The following GLIPR2 variants were observed in gnomAD, a reference collection of about 807,000 sequenced individuals.
GLIPR2 encodes the protein GLI pathogenesis related 2.
In GLIPR2, 21 loss-of-function variants were observed where a neutral mutation model predicts 20.4. That is an observed-to-expected ratio of 1.03 (90% CI 0.73 to 1.48). The LOEUF (loss-of-function observed/expected upper bound fraction) is 1.48, where lower values mean the gene tolerates loss of function less well. GLIPR2 is among the 40% of genes most tolerant of loss of function. The pLI, the probability that GLIPR2 is intolerant of heterozygous loss-of-function variation, is 0.00. For missense variants in GLIPR2, 205 were observed against 200.1 expected (o/e 1.02, Z -0.15); for synonymous variants, 91 against 80.5 (o/e 1.13, Z -0.70).
chr9:36,153,762 G>A (rs1316237636), intron 4 of GLIPR2, among the ~76,000 whole-genome samples: 1 of 151,922 alleles, frequency 6.6e-6, no homozygotes, highest in African/African-American at 2.4e-5. Flanking sequence ...TTAGCCGGGT[G>A]TGGTGATGCG....
intron 4 of GLIPR2, among the ~76,000 whole-genome samples, chr9:36,151,990 G>A (rs547751448): frequency 1.3e-5 from 2 of 152,300 alleles, no homozygotes; most frequent in African/African-American, 4.8e-5. Context: ...CCTCTAGAGG[G>A]GTGCTCCAGA....
rs758307254 is a variant in GLIPR2 at position 36,147,914 on chromosome 9, C to T, written c.122+20C>T. ...TCAACAGTGAGTCCCCTAGCACATCCGGGTAACTTGGCCCTTCATGTGCTG... is the reference window on the plus strand; with the variant it reads ...TCAACAGTGAGTCCCCTAGCACATCTGGGTAACTTGGCCCTTCATGTGCTG... On this transcript the variant is annotated intron_variant, in intron 2 of 4. Transcript: ENST00000377960. 3.3e-5 allele frequency: 38 copies of T among 1,137,488 alleles called. No homozygotes were observed. Among genetic ancestry groups the T allele is most frequent in the South Asian group, 6.1e-5 (5 of 81,558 alleles). The allele number at this position is 1,137,488 out of a possible 1,614,324, so 70.5% of individuals were successfully genotyped here.
intron 4 of GLIPR2, among the ~76,000 whole-genome samples, chr9:36,156,259 C>T (rs768485299): frequency 1.2e-4 from 18 of 151,474 alleles, no homozygotes; most frequent in East Asian, 7.7e-4. Flanking sequence ...TGTAGTGGCA[C>T]GTGCCTGTGG....
chr9:36,161,146 A>T (rs750364558), intron 4 of GLIPR2, among the ~76,000 whole-genome samples: 1 of 152,152 alleles, frequency 6.6e-6, no homozygotes, highest in Admixed American at 6.5e-5. Context: ...AAAGTTTGCA[A>T]TTGGGACCAA....
In GLIPR2 at chr9:36,162,512, C is replaced by G. The variant is rs147863143; in HGVS notation, c.455C>G (p.Pro152Arg). 1.2e-6 allele frequency: 2 copies of G among 1,614,000 alleles called. No individual in the cohort carries two copies. The highest frequency in any genetic ancestry group is 1.3e-5 in the African/African-American group (1 of 74,902). ...TTCTTCGAAGAAAACGTCCTGCCGC[C>G]GAAGAAGTAACTTGTTAAATGTAAT... ...EGFFEENVLP[P>R]KK The change falls in exon 5 of 5, where the codon CCG becomes CGG. Residue 152 changes from proline (P) to arginine (R), a missense_variant. Transcript: ENST00000377960.
Position 36,138,027 on chromosome 9 carries a change from GC to G in GLIPR2, c.13+1238del, listed in dbSNP as rs529611388. On this transcript the variant is annotated intron_variant, in intron 1 of 4. Transcript: ENST00000377960. ...CCTCCCTGTCTGTACAATGAGGGTG[GC>G]CGTATGAGCCCTGGGGTTCTTCACA... is the stretch of plus-strand genomic sequence containing the variant. Among the ~76,000 whole-genome samples, 113 of 152,362 alleles carry G rather than the reference GC, an allele frequency of 7.4e-4. 1 individual carries two copies. The highest frequency in any genetic ancestry group is 2.7e-3 in the African/African-American group (112 of 41,590).
chr9:36,136,769 G>A lies in GLIPR2; in HGVS notation c.-10G>A. 2.3e-6 allele frequency: 3 copies of A among 1,293,154 alleles called. No individual in the cohort carries two copies. The highest frequency in any genetic ancestry group is 4.8e-5 in the South Asian group (2 of 41,634). 80.1% of individuals were successfully genotyped at this position (1,293,154 alleles called of 1,614,324 possible). On this transcript the variant is annotated 5_prime_UTR_variant, in exon 1 of 5. Coordinates refer to ENST00000377960, the MANE Select transcript of GLIPR2 (RefSeq NM_022343.4). The surrounding 1 kb of genome is among the most constrained non-coding windows in gnomAD (Gnocchi z 4.3). Reference sequence around the variant, plus strand: ...CAGCCGCGGGGAGCGAGGAGCGCGCGGAGCCGGCCATGGGCAAGTCAGGTG... The same window carrying A: ...CAGCCGCGGGGAGCGAGGAGCGCGCAGAGCCGGCCATGGGCAAGTCAGGTG...
In GLIPR2 at chr9:36,163,285, T is replaced by C. The variant is rs553721249; in HGVS notation, c.*763T>C. 8 of 211,072 alleles carry C rather than the reference T, an allele frequency of 3.8e-5. No individual in the cohort carries two copies. Among genetic ancestry groups the C allele is most frequent in the South Asian group, 2.4e-4 (4 of 16,410 alleles). 13.1% of individuals were successfully genotyped at this position (211,072 alleles called of 1,614,324 possible). A position where few individuals can be genotyped will look rare whatever the true frequency, so the allele number is the denominator to read the frequency against. ...CAGGCTACCCCTGGTTTCTGGAGAG[T>C]TGGGCTAGGCCTGAAGCTCCCCCTC... is the stretch of plus-strand genomic sequence containing the variant. On this transcript the variant is annotated 3_prime_UTR_variant, in exon 5 of 5. Transcript: ENST00000377960.
intron 3 of GLIPR2, among the ~76,000 whole-genome samples, chr9:36,149,137 A>T (rs1203974935): frequency 2.0e-5 from 3 of 152,206 alleles, no homozygotes; most frequent in Admixed American, 1.3e-4. Flanking sequence ...GGAAAAAAAA[A>T]TAATAATGGA....
rs58467311 is a variant in GLIPR2 at position 36,156,385 on chromosome 9, T to TAA, written c.304+5462_304+5463dup. ...CTGGACAACAGAGTGAAGCCATGTC[T>TAA]AAAAAAAAAAAAAAAAAAAAAAAAA... On this transcript the variant is annotated intron_variant, in intron 4 of 4. Coordinates refer to ENST00000377960, the MANE Select transcript of GLIPR2 (RefSeq NM_022343.4). 3.2e-3 allele frequency among the ~76,000 whole-genome samples: 249 copies of TAA among 77,722 alleles called. 8 individuals are homozygous for TAA. Among genetic ancestry groups the TAA allele is most frequent in the East Asian group, 0.02 (44 of 2,194 alleles). The allele number at this position is 77,722 out of a possible 152,430, so 51.0% of individuals were successfully genotyped here.
At chr9:36,158,585 T>A (rs1825933684) in intron 4 of GLIPR2, among the ~76,000 whole-genome samples, 1 of 152,198 alleles carries the variant, frequency 6.6e-6, no homozygotes, top group South Asian at 2.1e-4. Flanking sequence ...ATAAAACAGA[T>A]GTGGCACGTG....
chr9:36,159,965 AAAAT>A (rs1012722631), intron 4 of GLIPR2, among the ~76,000 whole-genome samples: 2 of 152,184 alleles, frequency 1.3e-5, no homozygotes, highest in Admixed American at 6.5e-5. Flanking sequence ...CTCCGTCTCA[AAAAT>A]AAATAAATAA....
At chr9:36,160,358 C>T (rs1288454629) in intron 4 of GLIPR2, among the ~76,000 whole-genome samples, 2 of 152,054 alleles carry the variant, frequency 1.3e-5, no homozygotes, top group African/African-American at 4.8e-5. Context: ...TCGGCAGTGG[C>T]GGCATGTGCC....
At chr9:36,137,559 G>C (rs573221751) in intron 1 of GLIPR2, among the ~76,000 whole-genome samples, 21 of 152,262 alleles carry the variant, frequency 1.4e-4, no homozygotes, top group African/African-American at 5.1e-4. Context: ...TCAGCTCCTG[G>C]GCTGGAGCCC....
intron 4 of GLIPR2, among the ~76,000 whole-genome samples, chr9:36,157,372 A>C (rs1261108481): frequency 6.7e-6 from 1 of 149,538 alleles, no homozygotes; most frequent in Non-Finnish European, 1.5e-5. Flanking sequence ...TTTGAGATGG[A>C]GTCTCATTCT....
In GLIPR2 at chr9:36,163,023, G is replaced by C; in HGVS notation, c.*501G>C. ...ATAAATACAAAGCAGCTTCCATCAG[G>C]AACATGGAGCAGGCAGGGACTCCAT... On this transcript the variant is annotated 3_prime_UTR_variant, in exon 5 of 5. Coordinates refer to ENST00000377960, the MANE Select transcript of GLIPR2 (RefSeq NM_022343.4). 1 of 402,544 alleles carries C rather than the reference G, an allele frequency of 2.5e-6. No individual in the cohort carries two copies. The highest frequency in any genetic ancestry group is 7.7e-5 in the East Asian group (1 of 12,904). The allele number at this position is 402,544 out of a possible 1,614,324, so 24.9% of individuals were successfully genotyped here. A position where few individuals can be genotyped will look rare whatever the true frequency, so the allele number is the denominator to read the frequency against.
rs1011823618 is a variant in GLIPR2 at position 36,136,922 on chromosome 9, G to C, written c.13+131G>C. On this transcript the variant is annotated intron_variant, in intron 1 of 4. Coordinates refer to ENST00000377960, the MANE Select transcript of GLIPR2 (RefSeq NM_022343.4). The surrounding 1 kb of genome is among the most constrained non-coding windows in gnomAD (Gnocchi z 4.3). ...CCCGGGGTGCGGGTGGAGGGCGCGC[G>C]GGCGGAGCGCCCCGGCGCGGTTTCC... 5.6e-6 allele frequency: 6 copies of C among 1,076,206 alleles called. No individual in the cohort carries two copies. The African/African-American group carries it at 9.8e-5, about 18-fold the overall frequency. 66.7% of individuals were successfully genotyped at this position (1,076,206 alleles called of 1,614,324 possible). A position where few individuals can be genotyped will look rare whatever the true frequency, so the allele number is the denominator to read the frequency against.
At position 36,162,624 on chromosome 9, in the gene GLIPR2, G is replaced by A; in HGVS notation, c.*102G>A. The A allele has an allele frequency of 1.8e-6, 2 of 1,138,936 alleles. No homozygotes were observed. The highest frequency in any genetic ancestry group is 2.5e-6 in the Non-Finnish European group (2 of 785,406). 70.6% of individuals were successfully genotyped at this position (1,138,936 alleles called of 1,614,324 possible). A position where few individuals can be genotyped will look rare whatever the true frequency, so the allele number is the denominator to read the frequency against. On this transcript the variant is annotated 3_prime_UTR_variant, in exon 5 of 5. Coordinates refer to ENST00000377960, the MANE Select transcript of GLIPR2 (RefSeq NM_022343.4). ...TGCGTCTGTCCCTGTGGGTGTATGT[G>A]CTTGTGTGTGTGATGCATGTGAGCG...
chr9:36,139,186 T>G (rs1398885896), intron 1 of GLIPR2, among the ~76,000 whole-genome samples: 1 of 151,970 alleles, frequency 6.6e-6, no homozygotes, highest in African/African-American at 2.4e-5. Context: ...GATGATGGCT[T>G]CCATGCCTGG....
Sources: gnomAD v4.1 joint callset for allele counts (sites outside exome capture counted in the v4.1 genomes callset) on GRCh38, gnomAD v4.1.1 for gene constraint, Gnocchi (gnomAD v3.1) non-coding constraint, MANE v1.5 for transcripts, NCBI Gene and HGNC (gene_info 2026-07-23, HGNC 2026-07-21) for gene names.